Variants in PTPRG observed in about 807,000 individuals in gnomAD.
PTPRG encodes receptor-type tyrosine-protein phosphatase gamma.
A neutral mutation model predicts 165.3 loss-of-function variants in PTPRG; 102 were observed. That is an observed-to-expected ratio of 0.62 (90% CI 0.53 to 0.73). PTPRG has a LOEUF of 0.73. Ranked by LOEUF, PTPRG falls within the 30% of genes least tolerant of loss-of-function variation. PTPRG has a pLI of 0.00. For synonymous variants in PTPRG, 675 were observed against 669.5 expected (o/e 1.01, Z -0.13); for missense variants, 1,866 against 1,861.4 (o/e 1.00, Z -0.05).
chr3:61,756,179 A>T (rs933609852), intron 2 of PTPRG, among the ~76,000 whole-genome samples: 1 of 152,220 alleles, frequency 6.6e-6, no homozygotes, highest in Non-Finnish European at 1.5e-5. Context: ...GATGTGTTAT[A>T]GTGTTTTGTC....
At chr3:61,699,605 C>T (rs1033339287) in intron 1 of PTPRG, among the ~76,000 whole-genome samples, 8 of 152,104 alleles carry the variant, frequency 5.3e-5, no homozygotes, top group African/African-American at 1.9e-4. Flanking sequence ...TGTTCCTTCC[C>T]CCTGCTGTAG....
chr3:62,127,986 A>G (rs955303609), intron 5 of PTPRG, among the ~76,000 whole-genome samples: 1 of 152,112 alleles, frequency 6.6e-6, no homozygotes, highest in Non-Finnish European at 1.5e-5. Context: ...CGAAGTTTAG[A>G]TTTCATGAGC....
intron 5 of PTPRG, among the ~76,000 whole-genome samples, chr3:62,094,576 C>T (rs370865585): frequency 6.6e-6 from 1 of 152,202 alleles, no homozygotes; most frequent in Non-Finnish European, 1.5e-5. Context: ...TATTGCCATG[C>T]AGCTCCCCTG....
intron 6 of PTPRG, among the ~76,000 whole-genome samples, chr3:62,153,506 G>C (rs774664142): frequency 6.6e-6 from 1 of 152,064 alleles, no homozygotes; most frequent in East Asian, 1.9e-4. Context: ...TCATGCTGAT[G>C]GACAATATAT....
At position 62,195,854 on chromosome 3, in the gene PTPRG, G is replaced by T. The variant is rs113415867; in HGVS notation, c.1327+684G>T. On this transcript the variant is annotated intron_variant, in intron 10 of 29. Transcript: ENST00000474889. The surrounding 1 kb of genome is among the most constrained non-coding windows in gnomAD (Gnocchi z 4.4). ...TGTTGCCCAAGCTGGAGTGCAGTGG[G>T]GTGGTGTTGGCTCACTGCAACCTCT... 2.3e-3 allele frequency among the ~76,000 whole-genome samples: 345 copies of T among 152,120 alleles called. 2 individuals carry two copies. Among genetic ancestry groups the T allele is most frequent in the African/African-American group, 7.8e-3 (322 of 41,530 alleles).
intron 7 of PTPRG, 43 bp downstream of exon 7, chr3:62,157,267 T>G (rs771419951): frequency 6.3e-7 from 1 of 1,590,260 alleles, no homozygotes. Context: ...TTTACTTGTT[T>G]TGTATTGACT....
chr3:61,804,168 A>G (rs562837435), intron 2 of PTPRG, among the ~76,000 whole-genome samples: 266 of 152,336 alleles, frequency 1.7e-3, no homozygotes, highest in Non-Finnish European at 3.2e-3. Context: ...ATTTCACACA[A>G]AAGCAGGGGA....
intron 1 of PTPRG, among the ~76,000 whole-genome samples, chr3:61,617,333 G>C (rs957295703): frequency 1.3e-5 from 2 of 152,122 alleles, no homozygotes. Context: ...AGGGTGTGTC[G>C]GTATTTAATG....
chr3:62,060,982 A>G (rs1372406721), intron 4 of PTPRG, among the ~76,000 whole-genome samples: 1 of 152,160 alleles, frequency 6.6e-6, no homozygotes, highest in Non-Finnish European at 1.5e-5. Context: ...ATCCTAATTT[A>G]TCTTGTTATT....
At chr3:61,962,226 ACT>A (rs1308755588) in intron 2 of PTPRG, among the ~76,000 whole-genome samples, 1 of 152,176 alleles carries the variant, frequency 6.6e-6, no homozygotes, top group Non-Finnish European at 1.5e-5. Context: ...AGCTGTGTTG[ACT>A]CTCAAGACAA....
At chr3:62,285,656 A>G (rs1702623681) in intron 28 of PTPRG, among the ~76,000 whole-genome samples, 1 of 152,088 alleles carries the variant, frequency 6.6e-6, no homozygotes, top group South Asian at 2.1e-4. Flanking sequence ...AAACTGCTTC[A>G]TTCTCAGCAT....
intron 4 of PTPRG, among the ~76,000 whole-genome samples, chr3:62,065,786 A>G (rs1255118411): frequency 2.6e-5 from 4 of 152,180 alleles, no homozygotes; most frequent in Non-Finnish European, 5.9e-5. Context: ...AAATGATAAG[A>G]TGACCTCAGG....
At chr3:61,794,590 T>A (rs747257058) in intron 2 of PTPRG, among the ~76,000 whole-genome samples, 4 of 152,270 alleles carry the variant, frequency 2.6e-5, no homozygotes, top group Admixed American at 2.6e-4. Flanking sequence ...AGTGATAGCA[T>A]GCTTTGCTTA....
chr3:62,285,479 T>A (rs1395484269), intron 28 of PTPRG, among the ~76,000 whole-genome samples: 2 of 127,596 alleles, frequency 1.6e-5, no homozygotes, highest in Admixed American at 1.8e-4. Context: ...TTGGTCTTCA[T>A]AGAGATCTTT....
chr3:61,732,364 T>C (rs548113422), intron 1 of PTPRG, among the ~76,000 whole-genome samples: 61 of 152,120 alleles, frequency 4.0e-4, no homozygotes, highest in African/African-American at 5.3e-4. Context: ...GATCACGAGG[T>C]CAGGAGATTG....
chr3:61,894,640 C>G (rs549071802), intron 2 of PTPRG, among the ~76,000 whole-genome samples: 1 of 152,072 alleles, frequency 6.6e-6, no homozygotes, highest in African/African-American at 2.4e-5. Flanking sequence ...TAATGTCACC[C>G]AGATATTAGA....
chr3:62,067,068 G>C (rs1042465841), intron 4 of PTPRG, among the ~76,000 whole-genome samples: 3 of 146,242 alleles, frequency 2.1e-5, no homozygotes, highest in Non-Finnish European at 3.0e-5. Flanking sequence ...AAAATCAACT[G>C]CTCTCCCAGT....
intron 2 of PTPRG, among the ~76,000 whole-genome samples, chr3:61,879,051 C>G (rs62243207): frequency 1.3e-5 from 2 of 152,032 alleles, no homozygotes; most frequent in African/African-American, 4.8e-5. Context: ...TATTAAGAAC[C>G]AATATAAATT....
chr3:62,142,884 T>A (rs1303525952), intron 6 of PTPRG, among the ~76,000 whole-genome samples: 5 of 152,158 alleles, frequency 3.3e-5, no homozygotes, highest in South Asian at 4.1e-4. Context: ...CCAGCAGGGA[T>A]CACTGCATAT....
Sources: allele counts gnomAD v4.1 joint callset (sites outside exome capture counted in the v4.1 genomes callset), GRCh38; gene constraint gnomAD v4.1.1; non-coding constraint Gnocchi (gnomAD v3.1); transcripts MANE v1.5; gene names NCBI Gene and HGNC (gene_info 2026-07-23, HGNC 2026-07-21).